PTPRO: variants seen among roughly 807,000 people sequenced by gnomAD.
PTPRO encodes the protein receptor-type tyrosine-protein phosphatase O.
PTPRO carries 62 observed loss-of-function variants against 145.2 expected under a neutral mutation model. That is an observed-to-expected ratio of 0.43 (90% CI 0.35 to 0.53). PTPRO has a LOEUF of 0.53. Among genes scored for constraint, PTPRO ranks in the 20% least tolerant of loss-of-function variants. PTPRO has a pLI of 0.01. For synonymous variants in PTPRO, 565 were observed against 514.7 expected, an observed-to-expected ratio of 1.10 and a Z score of -1.32; for missense variants, 1,345 against 1,482.7, an observed-to-expected ratio of 0.91 and a Z score of 1.53.
intron 23 of PTPRO, among the ~76,000 whole-genome samples, chr12:15,582,252 G>A (rs538876423): frequency 2.3e-4 from 35 of 152,328 alleles, no homozygotes; most frequent in Admixed American, 6.5e-4. Context: ...AGGCCATCAC[G>A]AGCATGTCAC....
chr12:15,500,879 G>A (rs773814966), intron 4 of PTPRO, among the ~76,000 whole-genome samples: 17 of 152,110 alleles, frequency 1.1e-4, no homozygotes, highest in Non-Finnish European at 2.1e-4. Flanking sequence ...CCGAGACCAC[G>A]TCATTGCACT....
intron 1 of PTPRO, among the ~76,000 whole-genome samples, chr12:15,403,143 C>T (rs1939546096): frequency 6.6e-6 from 1 of 152,192 alleles, no homozygotes; most frequent in African/African-American, 2.4e-5. Context: ...ATATAAGTCC[C>T]TGAATGGCGT....
At chr12:15,480,810 G>A (rs1941763791) in intron 1 of PTPRO, among the ~76,000 whole-genome samples, 1 of 152,174 alleles carries the variant, frequency 6.6e-6, no homozygotes, top group African/African-American at 2.4e-5. Flanking sequence ...CAGACAGAGA[G>A]ACAGACAGAT....
At chr12:15,444,182 T>A (rs1940842709) in intron 1 of PTPRO, among the ~76,000 whole-genome samples, 1 of 152,100 alleles carries the variant, frequency 6.6e-6, no homozygotes, top group African/African-American at 2.4e-5. Context: ...TGTCCTTTTC[T>A]GCAACATGGA....
At chr12:15,368,719 T>C (rs11831915) in intron 1 of PTPRO, among the ~76,000 whole-genome samples, 2,422 of 152,362 alleles carry the variant, frequency 0.016, 68 homozygotes, top group African/African-American at 0.055. Flanking sequence ...CCATCATATT[T>C]GTTTCTTTTA....
Position 15,322,889 on chromosome 12 carries a change from C to G in PTPRO, c.75+88C>G. ...TCGCTCTGCCGTTGGGAGCGGCGCG[C>G]CCCAGGGCACGATGGCCCAGCCGCG... On this transcript the variant is annotated intron_variant, in intron 1 of 26. Transcript: ENST00000281171. The surrounding 1 kb of genome is among the most constrained non-coding windows in gnomAD (Gnocchi z 6.3). 7.3e-7 allele frequency: 1 copy of G among 1,375,402 alleles called. No individual in the cohort carries two copies. 85.2% of individuals were successfully genotyped at this position (1,375,402 alleles called of 1,614,324 possible).
chr12:15,433,967 A>G (rs932298198), intron 1 of PTPRO, among the ~76,000 whole-genome samples: 4 of 152,136 alleles, frequency 2.6e-5, no homozygotes, highest in African/African-American at 9.7e-5. Context: ...TCTGTGCCTT[A>G]AGTTTGAAAA....
intron 19 of PTPRO, among the ~76,000 whole-genome samples, chr12:15,570,475 T>C (rs1254779049): frequency 2.0e-5 from 3 of 152,158 alleles, no homozygotes; most frequent in Admixed American, 2.0e-4. Flanking sequence ...GAGACACTAA[T>C]GGGGAATTTG....
intron 1 of PTPRO, among the ~76,000 whole-genome samples, chr12:15,455,664 A>G (rs1004062000): frequency 6.6e-6 from 1 of 152,138 alleles, no homozygotes; most frequent in Non-Finnish European, 1.5e-5. Context: ...ATGATTCATT[A>G]TTAATATTTA....
At chr12:15,516,256 G>A (rs1942582629) in intron 8 of PTPRO, among the ~76,000 whole-genome samples, 1 of 148,882 alleles carries the variant, frequency 6.7e-6, no homozygotes, top group African/African-American at 2.5e-5. Context: ...CAAAGTGCTG[G>A]GATTACAGGC....
At chr12:15,553,005 G>A (rs1565423457) in intron 15 of PTPRO, among the ~76,000 whole-genome samples, 1 of 151,748 alleles carries the variant, frequency 6.6e-6, no homozygotes, top group Non-Finnish European at 1.5e-5. Flanking sequence ...TCACCATGTT[G>A]GCCAGGCTTG....
chr12:15,490,163 A>G (rs1314695152), intron 2 of PTPRO, among the ~76,000 whole-genome samples: 12 of 152,236 alleles, frequency 7.9e-5, no homozygotes, highest in Admixed American at 3.9e-4. Flanking sequence ...GAGATCCTGA[A>G]TCCTGCATTG....
intron 1 of PTPRO, among the ~76,000 whole-genome samples, chr12:15,389,924 G>A (rs1264857292): frequency 6.6e-6 from 1 of 152,052 alleles, no homozygotes; most frequent in Non-Finnish European, 1.5e-5. Flanking sequence ...TTTTAATCTA[G>A]ATCCCACACC....
At chr12:15,401,727 G>T (rs1939499256) in intron 1 of PTPRO, among the ~76,000 whole-genome samples, 1 of 152,154 alleles carries the variant, frequency 6.6e-6, no homozygotes, top group South Asian at 2.1e-4. Flanking sequence ...CACATGGCTG[G>T]TCTGGCTTAG....
chr12:15,572,565 A>T (rs980541015), intron 19 of PTPRO, among the ~76,000 whole-genome samples: 2 of 152,044 alleles, frequency 1.3e-5, no homozygotes, highest in Non-Finnish European at 2.9e-5. Flanking sequence ...TCATTTTGTT[A>T]CTGATTTCTA....
At chr12:15,369,741 T>C (rs537790430) in intron 1 of PTPRO, among the ~76,000 whole-genome samples, 1 of 152,090 alleles carries the variant, frequency 6.6e-6, no homozygotes, top group African/African-American at 2.4e-5. Context: ...AACTGAGGCA[T>C]ATCAATCAAC....
chr12:15,353,174 C>G (rs1937866892), intron 1 of PTPRO, among the ~76,000 whole-genome samples: 1 of 152,144 alleles, frequency 6.6e-6, no homozygotes, highest in Non-Finnish European at 1.5e-5. Context: ...GTCCCCCTTA[C>G]CACACATGAA....
At chr12:15,549,335 G>A (rs1311249451) in intron 14 of PTPRO, 109 bp downstream of exon 14, 13 of 926,430 alleles carry the variant, frequency 1.4e-5, no homozygotes, top group Admixed American at 3.8e-5. Flanking sequence ...GAGTCAGAGA[G>A]TCCTTAATTT....
At chr12:15,410,210 A>AT (rs1156734317) in intron 1 of PTPRO, 1 of 152,252 alleles carries the variant, frequency 6.6e-6, no homozygotes, top group Non-Finnish European at 1.5e-5. Flanking sequence ...CGTGCATGTC[A>AT]TAGTTAATTT....
Sources: gnomAD v4.1 joint callset for allele counts (sites outside exome capture counted in the v4.1 genomes callset) on GRCh38, gnomAD v4.1.1 for gene constraint, Gnocchi (gnomAD v3.1) non-coding constraint, MANE v1.5 for transcripts, NCBI Gene and HGNC (gene_info 2026-07-23, HGNC 2026-07-21) for gene names.